Variants in NBDY observed in about 807,000 individuals in gnomAD.
NBDY encodes P-body dissociating protein.
At chrX:56,800,382 T>C (rs967872453) in intron 2 of NBDY, among the ~76,000 whole-genome samples, 1 of 111,667 alleles carries the variant, frequency 9.0e-6, no homozygotes, top group African/African-American at 3.3e-5. Flanking sequence ...GGTTTTCTCT[T>C]ATTCATTTTT....
At chrX:56,750,801 C>A (rs1413404407) in intron 2 of NBDY, among the ~76,000 whole-genome samples, 1 of 111,441 alleles carries the variant, frequency 9.0e-6, no homozygotes, top group Admixed American at 9.6e-5. Context: ...ATTTCCAAAA[C>A]TCTAGTCCCA....
intron 2 of NBDY, among the ~76,000 whole-genome samples, chrX:56,794,652 AG>A (rs1311393992): frequency 1.5e-5 from 1 of 68,800 alleles, no homozygotes; most frequent in African/African-American, 5.9e-5. Context: ...GGGCAGTGTG[AG>A]GGGGTACAGG....
intron 2 of NBDY, among the ~76,000 whole-genome samples, chrX:56,743,494 T>C (rs927979680): frequency 1.8e-5 from 2 of 111,107 alleles, no homozygotes; most frequent in African/African-American, 6.5e-5. Flanking sequence ...ATTATCTTCA[T>C]GGTTCAGTCT....
intron 2 of NBDY, among the ~76,000 whole-genome samples, chrX:56,740,957 C>G (rs895697842): frequency 9.1e-6 from 1 of 110,430 alleles, no homozygotes; most frequent in African/African-American, 3.3e-5. Flanking sequence ...TTTTTGTATA[C>G]CCGTTAACCA....
intron 2 of NBDY, among the ~76,000 whole-genome samples, chrX:56,743,585 C>T (rs2069542361): frequency 9.0e-6 from 1 of 110,963 alleles, no homozygotes; most frequent in Non-Finnish European, 1.9e-5. Flanking sequence ...TCATAGTTGC[C>T]ATTAATGATC....
chrX:56,793,023 C>A, intron 2 of NBDY, among the ~76,000 whole-genome samples: 1 of 111,556 alleles, frequency 9.0e-6, no homozygotes, highest in Non-Finnish European at 1.9e-5. Flanking sequence ...GAGCCACCAT[C>A]CTCCCACCCC....
At chrX:56,754,965 T>A (rs1403163622) in intron 2 of NBDY, among the ~76,000 whole-genome samples, 1 of 110,881 alleles carries the variant, frequency 9.0e-6, no homozygotes, top group East Asian at 2.8e-4. Flanking sequence ...AATAAGTAAA[T>A]CAGAAATGAG....
chrX:56,733,052 A>C (rs1336585973), intron 2 of NBDY, among the ~76,000 whole-genome samples: 4 of 109,783 alleles, frequency 3.6e-5, no homozygotes, highest in African/African-American at 1.3e-4. Context: ...TAGCATCTTA[A>C]TTTTCAATGT....
At chrX:56,733,126 G>T (rs1444147059) in intron 2 of NBDY, among the ~76,000 whole-genome samples, 2 of 108,707 alleles carry the variant, frequency 1.8e-5, no homozygotes, top group Non-Finnish European at 3.8e-5. Flanking sequence ...ATATTTCACA[G>T]ACTTTTATAT....
chrX:56,757,049 T>C (rs755688223), intron 2 of NBDY, among the ~76,000 whole-genome samples: 1 of 112,637 alleles, frequency 8.9e-6, no homozygotes, highest in Non-Finnish European at 1.9e-5. Context: ...GATTAAACTG[T>C]AATAACAACG....
intron 2 of NBDY, among the ~76,000 whole-genome samples, chrX:56,755,455 A>G (rs1488018164): frequency 2.7e-5 from 3 of 112,331 alleles, no homozygotes; most frequent in African/African-American, 9.7e-5. Flanking sequence ...GAAAAAACAA[A>G]CAACCCCATC....
intron 2 of NBDY, among the ~76,000 whole-genome samples, chrX:56,797,774 T>C (rs765942208): frequency 1.4e-4 from 15 of 110,764 alleles, no homozygotes; most frequent in Non-Finnish European, 2.5e-4. Context: ...ATTTGCCCAC[T>C]CTCACTCACA....
At chrX:56,739,280 A>T (rs1053045781) in intron 2 of NBDY, among the ~76,000 whole-genome samples, 2 of 68,901 alleles carry the variant, frequency 2.9e-5, no homozygotes, top group Non-Finnish European at 5.0e-5. Flanking sequence ...ATATATATAT[A>T]TTTTTATATA....
At chrX:56,733,750 G>T (rs2069471778) in intron 2 of NBDY, among the ~76,000 whole-genome samples, 2 of 112,283 alleles carry the variant, frequency 1.8e-5, no homozygotes, top group African/African-American at 6.5e-5. Context: ...CCTCTCTGAT[G>T]CTGTCCTTCC....
chrX:56,793,127 T>C (rs1239192712), intron 2 of NBDY, among the ~76,000 whole-genome samples: 1 of 111,997 alleles, frequency 8.9e-6, no homozygotes, highest in Non-Finnish European at 1.9e-5. Flanking sequence ...TCTGGTGACC[T>C]CCATGTGCCA....
chrX:56,782,111 C>T (rs1009035966), intron 2 of NBDY, among the ~76,000 whole-genome samples: 2 of 111,453 alleles, frequency 1.8e-5, no homozygotes, highest in African/African-American at 6.5e-5. Context: ...TGACCTGGGG[C>T]TCCTTGTCAC....
At chrX:56,816,152 T>A (rs997403518) in intron 2 of NBDY, among the ~76,000 whole-genome samples, 5 of 111,300 alleles carry the variant, frequency 4.5e-5, no homozygotes, top group Admixed American at 3.8e-4. Flanking sequence ...TACATTTCTT[T>A]ATGTTAATAC....
chrX:56,754,664 A>G (rs1015558652), intron 2 of NBDY, among the ~76,000 whole-genome samples: 1 of 111,955 alleles, frequency 8.9e-6, no homozygotes, highest in African/African-American at 3.2e-5. Flanking sequence ...AAATGAAAAC[A>G]TGCCAGAACT....
chrX:56,815,840 T>A lies in NBDY; in HGVS notation c.*167-1480T>A, dbSNP rs368319113. Among the ~76,000 whole-genome samples, 51 of 111,967 alleles carry A rather than the reference T, an allele frequency of 4.6e-4. No homozygotes were observed. The East Asian group carries it at 7.0e-3, about 15-fold the overall frequency. ...AGTTACATGTTGGTAAGTATATGTG[T>A]CTTTGATTGGTTATGGAAAAAATTA... On this transcript the variant is annotated intron_variant, in intron 2 of 2. Transcript: ENST00000374922.
Sources: gnomAD v4.1 joint callset for allele counts (sites outside exome capture counted in the v4.1 genomes callset) on GRCh38, gnomAD v4.1.1 for gene constraint, MANE v1.5 for transcripts, NCBI Gene and HGNC (gene_info 2026-07-23, HGNC 2026-07-21) for gene names.